PLA2G4C: variants seen among roughly 807,000 people sequenced by gnomAD.
The protein encoded by PLA2G4C is cytosolic phospholipase A2 gamma.
In PLA2G4C, 64 loss-of-function variants were observed where a neutral mutation model predicts 73.8. The ratio of observed to expected loss-of-function variants is 0.87; its 90% CI spans 0.71 to 1.07. The LOEUF (loss-of-function observed/expected upper bound fraction) is 1.07, where lower values mean the gene tolerates loss of function less well. Ranked by LOEUF, PLA2G4C falls within the 50% of genes least tolerant of loss-of-function variation. The pLI, the probability that PLA2G4C is intolerant of heterozygous loss-of-function variation, is 0.00. For synonymous variants in PLA2G4C, 254 were observed against 252.1 expected, an observed-to-expected ratio of 1.01 and a Z score of -0.07; for missense variants, 622 against 665.4, an observed-to-expected ratio of 0.93 and a Z score of 0.72.
intron 15 of PLA2G4C, 101 bp from the exon 16 acceptor site, chr19:48,053,248 T>C: frequency 2.5e-6 from 2 of 802,830 alleles, no homozygotes; most frequent in Non-Finnish European, 3.8e-6. Context: ...AAACTACAGT[T>C]GTGGACCAAA....
chr19:48,070,879 A>G (rs1466257109), intron 12 of PLA2G4C, among the ~76,000 whole-genome samples: 1 of 151,982 alleles, frequency 6.6e-6, no homozygotes, highest in Non-Finnish European at 1.5e-5. Flanking sequence ...TGTCCTGCAC[A>G]TGTATCCTCA....
At chr19:48,053,360 T>TTTC (rs1194834217) in intron 15 of PLA2G4C, among the ~76,000 whole-genome samples, 36 of 133,378 alleles carry the variant, frequency 2.7e-4, no homozygotes, top group African/African-American at 9.6e-4. Context: ...TCCGGTCCTT[T>TTTC]TTTCTTTTTT....
chr19:48,049,292 C>T (rs968609052), intron 16 of PLA2G4C, among the ~76,000 whole-genome samples: 1 of 152,122 alleles, frequency 6.6e-6, no homozygotes, highest in African/African-American at 2.4e-5. Flanking sequence ...GAATTCTGTT[C>T]CCCAAGACTT....
chr19:48,098,759 A>G (rs1600247185), intron 5 of PLA2G4C, among the ~76,000 whole-genome samples: 1 of 130,456 alleles, frequency 7.7e-6, no homozygotes, highest in Admixed American at 8.0e-5. Context: ...AAAATTTGTC[A>G]GGCCCAGTGG....
intron 3 of PLA2G4C, 54 bp downstream of exon 3, chr19:48,105,279 G>T: frequency 2.5e-6 from 3 of 1,221,102 alleles, no homozygotes; most frequent in South Asian, 1.3e-5. Context: ...TGGACACTGG[G>T]CACAGAGGGG....
Position 48,057,483 on chromosome 19 carries a change from C to CTTTTTTTTT in PLA2G4C, c.1258-2443_1258-2435dup, listed in dbSNP as rs1171271257. Among the ~76,000 whole-genome samples, 7 of 17,924 alleles carry CTTTTTTTTT rather than the reference C, an allele frequency of 3.9e-4. 1 individual carries two copies. Among genetic ancestry groups the CTTTTTTTTT allele is most frequent in the Non-Finnish European group, 5.4e-4 (5 of 9,310 alleles). 11.8% of individuals were successfully genotyped at this position (17,924 alleles called of 152,430 possible). On this transcript the variant is annotated intron_variant, in intron 14 of 16. Coordinates refer to ENST00000599921, the MANE Select transcript of PLA2G4C (RefSeq NM_003706.3). Reference sequence around the variant, plus strand: ...TCTTCTTCTTCTTCTTCTTCTTCTTCTTTTTTTTTTTTTTTTTTTTTTTTT... The same window carrying CTTTTTTTTT: ...TCTTCTTCTTCTTCTTCTTCTTCTTCTTTTTTTTTTTTTTTTTTTTTTTTTTTTTTTTTT...
intron 14 of PLA2G4C, among the ~76,000 whole-genome samples, chr19:48,061,193 T>G (rs1207585702): frequency 6.9e-6 from 1 of 143,922 alleles, no homozygotes; most frequent in African/African-American, 2.6e-5. Flanking sequence ...GAGGGTGAGG[T>G]GGGAGGATCG....
intron 9 of PLA2G4C, among the ~76,000 whole-genome samples, chr19:48,088,374 GA>G (rs55813203): frequency 1.6e-4 from 24 of 146,714 alleles, no homozygotes; most frequent in South Asian, 4.3e-4. Flanking sequence ...GCGGAAAAAA[GA>G]AAAAAAAAAC....
chr19:48,065,294 G>A (rs924338246), intron 13 of PLA2G4C, among the ~76,000 whole-genome samples: 2 of 151,422 alleles, frequency 1.3e-5, no homozygotes, highest in African/African-American at 2.4e-5. Flanking sequence ...GGGCTTCCAG[G>A]TTATAGGTAG....
At chr19:48,080,976 G>A (rs563206848) in intron 10 of PLA2G4C, among the ~76,000 whole-genome samples, 11 of 135,596 alleles carry the variant, frequency 8.1e-5, no homozygotes, top group Admixed American at 4.0e-4. Context: ...GGCTAACACC[G>A]GTCTCTACTA....
chr19:48,094,680 A>C (rs2031477768), intron 7 of PLA2G4C, among the ~76,000 whole-genome samples: 1 of 152,172 alleles, frequency 6.6e-6, no homozygotes, highest in Non-Finnish European at 1.5e-5. Context: ...GAATGCTGAG[A>C]AGATTATGAA....
chr19:48,075,632 A>C (rs1991722), intron 11 of PLA2G4C, among the ~76,000 whole-genome samples: 110,734 of 152,002 alleles, frequency 0.73, 40,774 homozygotes, highest in East Asian at 0.93. Flanking sequence ...TAAATTCTAC[A>C]CTTCAACCTT....
At position 48,047,984 on chromosome 19, in the gene PLA2G4C, A is replaced by T. The variant is rs1171101301; in HGVS notation, c.*359T>A. 1 of 278,264 alleles carries T rather than the reference A, an allele frequency of 3.6e-6. No homozygotes were observed. Among genetic ancestry groups the T allele is most frequent in the Non-Finnish European group, 6.7e-6 (1 of 149,592 alleles). The allele number at this position is 278,264 out of a possible 1,614,324, so 17.2% of individuals were successfully genotyped here. A position where few individuals can be genotyped will look rare whatever the true frequency, so the allele number is the denominator to read the frequency against. ...AACTTGTGCAGAGCTACTGGCTAGA[A>T]GTGCAGTCATAAAGGAGCAGTGGAA... is the stretch of plus-strand genomic sequence containing the variant. On this transcript the variant is annotated 3_prime_UTR_variant, in exon 17 of 17. Transcript: ENST00000599921.
chr19:48,094,122 T>C (rs1303013168), intron 7 of PLA2G4C, among the ~76,000 whole-genome samples: 1 of 152,180 alleles, frequency 6.6e-6, no homozygotes, highest in Admixed American at 6.5e-5. Context: ...CTGTCCATGA[T>C]GCTTTTCCTC....
In PLA2G4C at chr19:48,074,789, G is replaced by C; in HGVS notation, c.984C>G (p.Pro328=). 6.2e-7 allele frequency: 1 copy of C among 1,613,204 alleles called. No homozygotes were observed. Among genetic ancestry groups the C allele is most frequent in the Non-Finnish European group, 8.5e-7 (1 of 1,179,292 alleles). ...TACCTTTCCTTTCGGGGTCCTCATG[G>C]GGCTGCTCCTGCTTTTCCAGGGAGG... The part of the protein sequence containing the change: ...TRTSLEKQEQ[P]HEDPERKGSL... Residue 328 remains proline (P), a synonymous_variant, in exon 12 of 17, where the codon CCC becomes CCG. Transcript: ENST00000599921.
At position 48,104,622 on chromosome 19, in the gene PLA2G4C, C is replaced by G. The variant is rs149438480; in HGVS notation, c.223G>C (p.Val75Leu). ...EMKEQGLLDA[V>L]TYLAGVSGST... is the part of the protein sequence containing the mutation. The stretch of plus-strand genomic sequence containing the variant: ...CCAGAGACCCCTGCGAGGTACGTGA[C>G]GGCATCCAACAGGCCCTGTTCTTTC... Residue 75 changes from valine to leucine, a missense_variant, in exon 4 of 17, where the codon GTC becomes CTC. Val to Leu is a conservative substitution (Grantham distance 32). Coordinates refer to ENST00000599921, the MANE Select transcript of PLA2G4C (RefSeq NM_003706.3). 1.2e-6 allele frequency: 2 copies of G among 1,614,074 alleles called. No individual in the cohort carries two copies.
chr19:48,081,179 A>G (rs2030541535), intron 10 of PLA2G4C, among the ~76,000 whole-genome samples: 1 of 151,082 alleles, frequency 6.6e-6, no homozygotes, highest in Non-Finnish European at 1.5e-5. Context: ...AAAAAAAGAT[A>G]TGAACCCACC....
At chr19:48,084,487 G>T (rs1390349606) in intron 10 of PLA2G4C, among the ~76,000 whole-genome samples, 1 of 152,188 alleles carries the variant, frequency 6.6e-6, no homozygotes, top group African/African-American at 2.4e-5. Flanking sequence ...TCCATGAGAG[G>T]AGAGAGCTGG....
intron 7 of PLA2G4C, among the ~76,000 whole-genome samples, chr19:48,093,188 CA>C (rs1427866517): frequency 6.6e-6 from 1 of 152,160 alleles, no homozygotes; most frequent in East Asian, 1.9e-4. Flanking sequence ...AGATCCCCTT[CA>C]TCCTACCTTG....
Sources: allele counts gnomAD v4.1 joint callset (sites outside exome capture counted in the v4.1 genomes callset), GRCh38; gene constraint gnomAD v4.1.1; transcripts MANE v1.5; gene names NCBI Gene and HGNC (gene_info 2026-07-23, HGNC 2026-07-21).